Variants in NKAIN3 observed in about 807,000 individuals in gnomAD.
The protein encoded by NKAIN3 is sodium/potassium-transporting ATPase subunit beta-1-interacting protein 3.
A neutral mutation model predicts 30.2 loss-of-function variants in NKAIN3; 25 were observed. The observed-to-expected ratio is 0.83, with a 90% CI of 0.60 to 1.16. The LOEUF (loss-of-function observed/expected upper bound fraction) is 1.16, where lower values mean the gene tolerates loss of function less well. Ranked by LOEUF, NKAIN3 falls within the 50% of genes most tolerant of loss-of-function variation. The pLI is 0.00. For missense variants in NKAIN3, 225 were observed against 254.1 expected (o/e 0.89, Z 0.78); for synonymous variants, 91 against 89.6 (o/e 1.02, Z -0.09).
At chr8:62,473,504 T>C (rs1806422167) in intron 1 of NKAIN3, 1 of 152,194 alleles carries the variant, frequency 6.6e-6, no homozygotes. Context: ...AAAGGACTTC[T>C]CTATGGAAGA....
At position 62,361,420 on chromosome 8, in the gene NKAIN3, A is replaced by G. The variant is rs1816558444; in HGVS notation, c.54+112293A>G. Among the ~76,000 whole-genome samples the G allele has an allele frequency of 2.0e-5, 3 of 152,368 alleles. No homozygotes were observed. In the South Asian group the frequency reaches 6.2e-4, roughly 32 times the overall value. Reference sequence around the variant, plus strand: ...CTAATAGCGTAAGCTCTGTGAAAGAAGTGCTCAGCAATAGTAGGAATTTTT... The same window carrying G: ...CTAATAGCGTAAGCTCTGTGAAAGAGGTGCTCAGCAATAGTAGGAATTTTT... On this transcript the variant is annotated intron_variant, in intron 1 of 6. Transcript: ENST00000623646.
At chr8:62,443,629 T>C (rs1196536684) in intron 1 of NKAIN3, among the ~76,000 whole-genome samples, 1 of 152,092 alleles carries the variant, frequency 6.6e-6, no homozygotes, top group Non-Finnish European at 1.5e-5. Flanking sequence ...GCGATCCACC[T>C]GCCTCAGCCT....
At chr8:62,332,546 G>A (rs1449333663) in intron 1 of NKAIN3, among the ~76,000 whole-genome samples, 2 of 152,014 alleles carry the variant, frequency 1.3e-5, no homozygotes, top group Non-Finnish European at 2.9e-5. Flanking sequence ...TAGTGGTTGA[G>A]TGACATGGAT....
chr8:62,687,334 C>T (rs1258558193), intron 3 of NKAIN3, among the ~76,000 whole-genome samples: 1 of 152,130 alleles, frequency 6.6e-6, no homozygotes, highest in East Asian at 1.9e-4. Flanking sequence ...TCTTCAAGTC[C>T]CCTATTACAC....
At chr8:62,827,343 T>C (rs529987628) in intron 4 of NKAIN3, among the ~76,000 whole-genome samples, 7 of 152,270 alleles carry the variant, frequency 4.6e-5, no homozygotes, top group African/African-American at 1.7e-4. Flanking sequence ...TTCTCTGCAG[T>C]TTATATGTCA....
chr8:62,471,452 A>G (rs984759408), intron 1 of NKAIN3, among the ~76,000 whole-genome samples: 87 of 152,212 alleles, frequency 5.7e-4, no homozygotes, highest in Non-Finnish European at 8.8e-4. Flanking sequence ...TGTTTTACGA[A>G]AAGTTGTCAA....
At chr8:62,626,230 G>A (rs141475449) in intron 3 of NKAIN3, among the ~76,000 whole-genome samples, 350 of 152,158 alleles carry the variant, frequency 2.3e-3, no homozygotes, top group African/African-American at 4.2e-3. Flanking sequence ...CCTTCAGAAC[G>A]ATTCAACTCC....
chr8:62,315,339 T>A (rs188924049), intron 1 of NKAIN3, among the ~76,000 whole-genome samples: 174 of 152,282 alleles, frequency 1.1e-3, no homozygotes, highest in Non-Finnish European at 2.2e-3. Flanking sequence ...CATGGCCCAC[T>A]TGTTTAGTGT....
chr8:62,798,956 G>T (rs1256899595), intron 4 of NKAIN3, among the ~76,000 whole-genome samples: 1 of 152,092 alleles, frequency 6.6e-6, no homozygotes, highest in South Asian at 2.1e-4. Context: ...CCCTGACCTG[G>T]AGTCAAGGCA....
chr8:62,514,641 T>A (rs1004350840), intron 1 of NKAIN3, among the ~76,000 whole-genome samples: 2 of 152,178 alleles, frequency 1.3e-5, no homozygotes, highest in Non-Finnish European at 2.9e-5. Context: ...AAGTTCATGT[T>A]CTGCATGAGT....
At chr8:62,685,421 A>G (rs1381661542) in intron 3 of NKAIN3, among the ~76,000 whole-genome samples, 2 of 152,216 alleles carry the variant, frequency 1.3e-5, no homozygotes, top group African/African-American at 2.4e-5. Flanking sequence ...CTCACAACTG[A>G]GGAAAGTGAT....
At chr8:62,951,832 C>T (rs182322457) in intron 5 of NKAIN3, among the ~76,000 whole-genome samples, 1 of 151,430 alleles carries the variant, frequency 6.6e-6, no homozygotes, top group East Asian at 2.0e-4. Context: ...ACAGAGTCTC[C>T]CTCTGTCACC....
chr8:62,936,164 A>G (rs1318722098), intron 5 of NKAIN3, among the ~76,000 whole-genome samples: 1 of 152,136 alleles, frequency 6.6e-6, no homozygotes, highest in Admixed American at 6.5e-5. Flanking sequence ...TTGCAGAAGA[A>G]CTTGGCCATC....
intron 1 of NKAIN3, among the ~76,000 whole-genome samples, chr8:62,398,891 A>G (rs555407430): frequency 6.6e-6 from 1 of 152,206 alleles, no homozygotes; most frequent in Non-Finnish European, 1.5e-5. Context: ...GGAGATCGAG[A>G]CCATCCTGGC....
chr8:62,974,873 AG>A lies in NKAIN3; in HGVS notation c.*9469del, dbSNP rs1823910078. On this transcript the variant is annotated 3_prime_UTR_variant, in exon 7 of 7. Coordinates refer to ENST00000623646, the MANE Select transcript of NKAIN3 (RefSeq NM_001304533.3). ...TTATTGAGTGTTTTTAGCATGAAGGAGGGTTGAATTTTGTCGAAGGCCTTTT... is the reference window on the plus strand; with the variant it reads ...TTATTGAGTGTTTTTAGCATGAAGGAGGTTGAATTTTGTCGAAGGCCTTTT... Among the ~76,000 whole-genome samples the A allele has an allele frequency of 6.6e-6, 1 of 152,014 alleles. No homozygotes were observed. The highest frequency in any genetic ancestry group is 1.5e-5 in the Non-Finnish European group (1 of 67,986).
intron 1 of NKAIN3, 124 bp from the exon 2 acceptor site, chr8:62,579,415 A>C (rs1585971530): frequency 3.1e-6 from 2 of 653,464 alleles, no homozygotes; most frequent in African/African-American, 3.6e-5. Flanking sequence ...AAATTCTAAT[A>C]ATAACGGTGA....
intron 1 of NKAIN3, among the ~76,000 whole-genome samples, chr8:62,559,898 T>C (rs1055000768): frequency 6.6e-6 from 1 of 152,202 alleles, no homozygotes; most frequent in Non-Finnish European, 1.5e-5. Flanking sequence ...TTTGATCATT[T>C]TATTTCTATT....
At chr8:62,520,385 T>G (rs1808118922) in intron 1 of NKAIN3, among the ~76,000 whole-genome samples, 1 of 152,122 alleles carries the variant, frequency 6.6e-6, no homozygotes, top group African/African-American at 2.4e-5. Context: ...AAATTAATTT[T>G]TATAATATAT....
At chr8:62,394,748 G>A (rs181629878) in intron 1 of NKAIN3, among the ~76,000 whole-genome samples, 59 of 150,752 alleles carry the variant, frequency 3.9e-4, no homozygotes, top group African/African-American at 1.1e-3. Flanking sequence ...ACGGGGTGGC[G>A]GCTGGGCAGA....
Sources: allele counts gnomAD v4.1 joint callset (sites outside exome capture counted in the v4.1 genomes callset), GRCh38; gene constraint gnomAD v4.1.1; transcripts MANE v1.5; gene names NCBI Gene and HGNC (gene_info 2026-07-23, HGNC 2026-07-21).